Variants in RBFOX1 observed in about 807,000 individuals in gnomAD.
RBFOX1 encodes the protein RNA binding fox-1 homolog 1.
In RBFOX1, 8 loss-of-function variants were observed where a neutral mutation model predicts 57.7. The ratio of observed to expected loss-of-function variants is 0.14; its 90% CI spans 0.08 to 0.25. The LOEUF (loss-of-function observed/expected upper bound fraction) is 0.25. Ranked by LOEUF, RBFOX1 falls within the 10% of genes least tolerant of loss-of-function variation. The probability of loss-of-function intolerance (pLI) is 1.00; values close to 1 mark genes in which losing one functional copy is unlikely to be tolerated. For synonymous variants in RBFOX1, 326 were observed against 222.4 expected (o/e 1.47, Z -4.15); for missense variants, 611 against 548.5 (o/e 1.11, Z -1.14).
At chr16:6,016,600 G>T (rs1355907395), upstream of RBFOX1, among the ~76,000 whole-genome samples, 1 of 152,196 alleles carries the variant, frequency 6.6e-6, no homozygotes. Flanking sequence ...CAAAGTCCTT[G>T]TTCTTTTTAA....
At chr16:7,227,560 A>G (rs1051635200) in intron 4 of RBFOX1, among the ~76,000 whole-genome samples, 3 of 152,084 alleles carry the variant, frequency 2.0e-5, no homozygotes, top group Non-Finnish European at 2.9e-5. Flanking sequence ...CAGCTTTCGG[A>G]GTCCGAAAGC....
At chr16:6,886,500 C>G (rs963764902) in intron 3 of RBFOX1, among the ~76,000 whole-genome samples, 3 of 151,938 alleles carry the variant, frequency 2.0e-5, no homozygotes, top group Admixed American at 6.6e-5. Context: ...CACCTGTAAT[C>G]CCAGCACTTT....
At chr16:5,339,915 A>C (rs1222385639) in intron 1 of RBFOX1, among the ~76,000 whole-genome samples, 1 of 152,096 alleles carries the variant, frequency 6.6e-6, no homozygotes, top group Admixed American at 6.5e-5. Context: ...CCCGTTCCCA[A>C]AGCTTGGGTG....
chr16:7,082,736 G>C (rs553023143), intron 4 of RBFOX1, among the ~76,000 whole-genome samples: 1 of 152,106 alleles, frequency 6.6e-6, no homozygotes, highest in African/African-American at 2.4e-5. Flanking sequence ...TATAATTAAT[G>C]TATCACAATG....
intron 3 of RBFOX1, among the ~76,000 whole-genome samples, chr16:5,770,902 C>G (rs953618249): frequency 2.0e-5 from 3 of 152,200 alleles, no homozygotes; most frequent in Non-Finnish European, 4.4e-5. Flanking sequence ...CCCCATCTTA[C>G]TGGGTAAGCA....
chr16:5,863,883 G>A (rs1438673797), intron 3 of RBFOX1, among the ~76,000 whole-genome samples: 1 of 152,110 alleles, frequency 6.6e-6, no homozygotes, highest in Non-Finnish European at 1.5e-5. Context: ...TTTCCACAAG[G>A]TCTCTTTCTT....
At chr16:5,282,131 G>C (rs2063287154) in intron 1 of RBFOX1, among the ~76,000 whole-genome samples, 1 of 152,132 alleles carries the variant, frequency 6.6e-6, no homozygotes, top group Admixed American at 6.5e-5. Context: ...CATGAGATCT[G>C]AGAGGTTTTA....
chr16:6,870,981 A>T (rs2060765896), intron 3 of RBFOX1, among the ~76,000 whole-genome samples: 1 of 152,236 alleles, frequency 6.6e-6, no homozygotes, highest in South Asian at 2.1e-4. Context: ...TAAGTGGATG[A>T]AGCCCACTAT....
chr16:7,076,870 C>T (rs2058390650), intron 4 of RBFOX1, among the ~76,000 whole-genome samples: 2 of 152,198 alleles, frequency 1.3e-5, no homozygotes, highest in South Asian at 2.1e-4. Flanking sequence ...GTGGTGTCAC[C>T]TCTCTGGAGA....
intron 1 of RBFOX1, among the ~76,000 whole-genome samples, chr16:6,130,906 T>C (rs12924882): frequency 0.08 from 12,219 of 152,180 alleles, 531 homozygotes; most frequent in African/African-American, 0.093. Context: ...CAGTAATAGA[T>C]AAATCTGCAG....
intron 1 of RBFOX1, among the ~76,000 whole-genome samples, chr16:5,392,113 G>C (rs1382663465): frequency 6.6e-6 from 1 of 151,886 alleles, no homozygotes; most frequent in Non-Finnish European, 1.5e-5. Context: ...TGATACAATG[G>C]ACTTTGGGGA....
intron 3 of RBFOX1, among the ~76,000 whole-genome samples, chr16:6,857,540 T>TA (rs1307558482): frequency 3.9e-5 from 6 of 152,228 alleles, no homozygotes; most frequent in African/African-American, 1.4e-4. Context: ...GTCCTTTTTT[T>TA]ATTGACTACA....
At chr16:5,609,841 G>A (rs2047711777) in intron 3 of RBFOX1, among the ~76,000 whole-genome samples, 2 of 151,970 alleles carry the variant, frequency 1.3e-5, no homozygotes, top group African/African-American at 2.4e-5. Context: ...GAGGGTAGGT[G>A]GGGGTGGGGA....
chr16:6,980,741 G>C (rs1599023456), intron 3 of RBFOX1, among the ~76,000 whole-genome samples: 1 of 152,112 alleles, frequency 6.6e-6, no homozygotes, highest in Non-Finnish European at 1.5e-5. Context: ...TTATATGTGG[G>C]AAGAAAATGT....
At position 7,525,774 on chromosome 16, in the gene RBFOX1, G is replaced by C. The variant is rs555710086; in HGVS notation, c.270+7385G>C. On this transcript the variant is annotated intron_variant, in intron 5 of 15. Coordinates refer to ENST00000550418, the MANE Select transcript of RBFOX1 (RefSeq NM_018723.4). ...TAGGCCCTCTTTTGGTCGCCATCTTGTTTTGTTACATCAACCTTTTGAATG... is the reference window on the plus strand; with the variant it reads ...TAGGCCCTCTTTTGGTCGCCATCTTCTTTTGTTACATCAACCTTTTGAATG... Among the ~76,000 whole-genome samples, 109 of 152,292 alleles carry C rather than the reference G, an allele frequency of 7.2e-4. 1 individual carries two copies. Among genetic ancestry groups the C allele is most frequent in the African/African-American group, 2.6e-3 (107 of 41,568 alleles).
At chr16:6,918,018 AGCTCACGCCTGT>A (rs1200165945) in intron 3 of RBFOX1, among the ~76,000 whole-genome samples, 2 of 152,154 alleles carry the variant, frequency 1.3e-5, no homozygotes, top group Non-Finnish European at 2.9e-5. Flanking sequence ...CAGGTACATT[AGCTCACGCCTGT>A]AATCCCAGCA....
intron 2 of RBFOX1, among the ~76,000 whole-genome samples, chr16:5,472,915 A>G (rs2069187513): frequency 6.6e-6 from 1 of 152,166 alleles, no homozygotes; most frequent in South Asian, 2.1e-4. Context: ...GCAGAAACAC[A>G]TGGAATTCCT....
At position 7,220,630 on chromosome 16, in the gene RBFOX1, C is replaced by CTTG. The variant is rs1412062613; in HGVS notation, c.27+168535_27+168537dup. ...TGCTGCATCTTCCTCTGGTTGAGGACTTGTTACCTGGACTTTTGAATTATC... is the reference window on the plus strand; with the variant it reads ...TGCTGCATCTTCCTCTGGTTGAGGACTTGTTGTTACCTGGACTTTTGAATTATC... On this transcript the variant is annotated intron_variant, in intron 4 of 15. Transcript: ENST00000550418. Among the ~76,000 whole-genome samples the CTTG allele has an allele frequency of 3.9e-5, 6 of 152,284 alleles. No individual in the cohort carries two copies. In the East Asian group the frequency reaches 1.2e-3, roughly 29 times the overall value.
intron 3 of RBFOX1, among the ~76,000 whole-genome samples, chr16:6,719,020 C>A (rs552411793): frequency 2.6e-5 from 4 of 151,922 alleles, no homozygotes; most frequent in Admixed American, 6.6e-5. Context: ...TGTATTTCAA[C>A]GTGCCTGGCT....
Sources: gnomAD v4.1 joint callset for allele counts (sites outside exome capture counted in the v4.1 genomes callset) on GRCh38, gnomAD v4.1.1 for gene constraint, MANE v1.5 for transcripts, NCBI Gene and HGNC (gene_info 2026-07-23, HGNC 2026-07-21) for gene names.